The following ADGB variants were observed in gnomAD, a reference collection of about 807,000 sequenced individuals.
The protein encoded by ADGB is androglobin, also known as calpain-7-like protein.
In ADGB, 172 loss-of-function variants were observed where a neutral mutation model predicts 210.5. The observed-to-expected ratio is 0.82, with a 90% CI of 0.72 to 0.93. The LOEUF (loss-of-function observed/expected upper bound fraction) is 0.93, where lower values mean the gene tolerates loss of function less well. Among genes scored for constraint, ADGB ranks in the 40% least tolerant of loss-of-function variants. The pLI is 0.00. For missense variants in ADGB, 2,025 were observed against 1,964.8 expected (o/e 1.03, Z -0.58); for synonymous variants, 658 against 662.7 (o/e 0.99, Z 0.11).
chr6:146,779,062 G>GAAA (rs376129193), intron 29 of ADGB, among the ~76,000 whole-genome samples: 103 of 125,300 alleles, frequency 8.2e-4, no homozygotes, highest in African/African-American at 2.4e-3. Context: ...AGTAGCTTTG[G>GAAA]AAAAAAAAAA....
At chr6:146,795,596 A>G (rs1400400557) in intron 33 of ADGB, among the ~76,000 whole-genome samples, 1 of 152,208 alleles carries the variant, frequency 6.6e-6, no homozygotes, top group Non-Finnish European at 1.5e-5. Flanking sequence ...TCAAAACCAC[A>G]ATGAGATACC....
intron 35 of ADGB, chr6:146,803,522 C>G: frequency 2.5e-6 from 4 of 1,596,022 alleles, no homozygotes; most frequent in Non-Finnish European, 3.4e-6. Context: ...CGAAGTTTAT[C>G]TGGGCTTTTC....
chr6:146,652,408 AT>A (rs1251278899), intron 3 of ADGB, among the ~76,000 whole-genome samples: 1 of 152,038 alleles, frequency 6.6e-6, no homozygotes, highest in African/African-American at 2.4e-5. Context: ...TTTTAGGTAA[AT>A]TTTTCTCTAA....
At chr6:146,686,719 G>T (rs994080012) in intron 10 of ADGB, among the ~76,000 whole-genome samples, 1 of 151,988 alleles carries the variant, frequency 6.6e-6, no homozygotes, top group Non-Finnish European at 1.5e-5. Flanking sequence ...TACTGCTTTT[G>T]GGGTTTTTGA....
intron 33 of ADGB, among the ~76,000 whole-genome samples, chr6:146,791,261 C>A (rs1000892690): frequency 3.9e-5 from 6 of 152,090 alleles, no homozygotes; most frequent in African/African-American, 1.4e-4. Context: ...GAAAATATTG[C>A]CCACACTGAT....
intron 35 of ADGB, among the ~76,000 whole-genome samples, chr6:146,812,699 A>T (rs115970429): frequency 0.018 from 2,600 of 147,064 alleles, 52 homozygotes; most frequent in African/African-American, 0.05. Context: ...TCAGCGTGAA[A>T]TCTAACAGAC....
intron 6 of ADGB, 47 bp from the exon 7 acceptor site, chr6:146,666,769 T>C (rs1430707807): frequency 8.6e-7 from 1 of 1,162,624 alleles, no homozygotes; most frequent in Non-Finnish European, 1.2e-6. Context: ...TATCTTTATG[T>C]GTTTTCAAAT....
chr6:146,638,546 A>T (rs28377498), intron 2 of ADGB, among the ~76,000 whole-genome samples: 108,155 of 144,122 alleles, frequency 0.75, 40,363 homozygotes, highest in Non-Finnish European at 0.77. Flanking sequence ...TAGGTGGGAA[A>T]TGAACAATGA....
intron 3 of ADGB, among the ~76,000 whole-genome samples, chr6:146,646,305 C>T (rs1775610106): frequency 6.6e-6 from 1 of 152,046 alleles, no homozygotes; most frequent in Non-Finnish European, 1.5e-5. Context: ...GCCAGGCCAT[C>T]ATGTTCTTTG....
chr6:146,742,423 T>A (rs1049208233), intron 25 of ADGB, among the ~76,000 whole-genome samples: 1 of 151,964 alleles, frequency 6.6e-6, no homozygotes, highest in African/African-American at 2.4e-5. Context: ...AAGCTTAAAT[T>A]ATTTTTATTT....
chr6:146,769,027 A>G lies in ADGB; in HGVS notation c.3758A>G (p.Lys1253Arg), dbSNP rs1159230781. The stretch of plus-strand genomic sequence containing the variant: ...CTGCATTTTATTTCACAGAATTACA[A>G]GTATATTATACAGTGTTCGGTGTTG... ...DSSSTPLQNYKYIIQCSVLYN... is the reference protein window; with the variant it reads ...DSSSTPLQNYRYIIQCSVLYN... The change falls in exon 29 of 36, where the codon AAG (lysine) becomes AGG (arginine). Residue 1253 changes from lysine to arginine, a missense_variant. Lys to Arg is a conservative substitution (Grantham distance 26). Transcript: ENST00000397944. 2 of 1,466,772 alleles carry G rather than the reference A, an allele frequency of 1.4e-6. No individual in the cohort carries two copies. The highest frequency in any genetic ancestry group is 1.8e-6 in the Non-Finnish European group (2 of 1,084,906). 90.9% of individuals were successfully genotyped at this position (1,466,772 alleles called of 1,614,324 possible).
intron 35 of ADGB, chr6:146,807,822 T>C (rs1322433391): frequency 3.2e-6 from 1 of 312,354 alleles, no homozygotes; most frequent in Non-Finnish European, 5.8e-6. Flanking sequence ...TGTAATAAAA[T>C]ATATGTTTGA....
rs1365975083 is a variant in ADGB, at chr6:146,599,024, A to G, written c.-17A>G. Reference sequence around the variant, plus strand: ...CTCTTTGCTCAGAGCTCAGCCCTACATAGATCGGCTTCTGCCATGGCCTCC... The same window carrying G: ...CTCTTTGCTCAGAGCTCAGCCCTACGTAGATCGGCTTCTGCCATGGCCTCC... On this transcript the variant is annotated 5_prime_UTR_variant, in exon 1 of 36. Coordinates refer to ENST00000397944, the MANE Select transcript of ADGB (RefSeq NM_024694.4). 9.0e-6 allele frequency: 14 copies of G among 1,550,194 alleles called. No individual in the cohort carries two copies. Among genetic ancestry groups the G allele is most frequent in the Middle Eastern group, 1.7e-4 (1 of 6,010 alleles).
intron 13 of ADGB, 89 bp downstream of exon 13, chr6:146,701,159 A>T: frequency 2.3e-6 from 3 of 1,331,956 alleles, no homozygotes; most frequent in Non-Finnish European, 3.1e-6. Flanking sequence ...CATACAAAAG[A>T]ATGTATAACA....
At chr6:146,685,508 C>T (rs1583589277) in intron 9 of ADGB, among the ~76,000 whole-genome samples, 1 of 151,912 alleles carries the variant, frequency 6.6e-6, no homozygotes, top group African/African-American at 2.4e-5. Context: ...ATAATAAGGT[C>T]TTAAATTATT....
chr6:146,761,198 A>G (rs1467479239), intron 27 of ADGB, among the ~76,000 whole-genome samples: 1 of 151,910 alleles, frequency 6.6e-6, no homozygotes, highest in Admixed American at 6.6e-5. Flanking sequence ...TTCATGTTTT[A>G]TTCTAAAAGT....
intron 29 of ADGB, among the ~76,000 whole-genome samples, chr6:146,771,738 G>T (rs1225622150): frequency 6.6e-6 from 1 of 152,176 alleles, no homozygotes; most frequent in Non-Finnish European, 1.5e-5. Context: ...AGATTTAAGT[G>T]CAAATAAAAT....
intron 35 of ADGB, chr6:146,803,552 T>C: frequency 1.3e-6 from 2 of 1,562,656 alleles, no homozygotes; most frequent in Non-Finnish European, 1.8e-6. Flanking sequence ...CCAACTGTTC[T>C]ATTTATGTAA....
intron 13 of ADGB, among the ~76,000 whole-genome samples, chr6:146,709,898 T>C (rs973422191): frequency 3.3e-5 from 5 of 152,162 alleles, no homozygotes; most frequent in African/African-American, 1.2e-4. Flanking sequence ...CAAGTTTCTT[T>C]AGCTCTTATG....
Sources: gnomAD v4.1 joint callset for allele counts (sites outside exome capture counted in the v4.1 genomes callset) on GRCh38, gnomAD v4.1.1 for gene constraint, MANE v1.5 for transcripts, NCBI Gene and HGNC (gene_info 2026-07-23, HGNC 2026-07-21) for gene names.